The following CDK8 variants were observed in gnomAD, a reference collection of about 807,000 sequenced individuals.
CDK8 encodes cyclin dependent kinase 8.
A neutral mutation model predicts 71.5 loss-of-function variants in CDK8; 29 were observed. The observed-to-expected ratio is 0.41, with a 90% CI of 0.30 to 0.55. CDK8 has a LOEUF of 0.55. CDK8 is among the 20% of genes least tolerant of loss of function. CDK8 has a pLI of 0.37. For missense variants in CDK8, 288 were observed against 572.6 expected (o/e 0.50, Z 5.07); for synonymous variants, 161 against 192.1 (o/e 0.84, Z 1.34).
At chr13:26,350,478 T>TA (rs57372767) in intron 3 of CDK8, among the ~76,000 whole-genome samples, 4,742 of 151,922 alleles carry the variant, frequency 0.031, 237 homozygotes, top group African/African-American at 0.11. Flanking sequence ...CTGCAAAAAA[T>TA]AAAAAAAATT....
chr13:26,329,271 A>G (rs1875175488), intron 1 of CDK8, among the ~76,000 whole-genome samples: 1 of 151,896 alleles, frequency 6.6e-6, no homozygotes, highest in Non-Finnish European at 1.5e-5. Flanking sequence ...TTATATTTTC[A>G]TCTTACTCCT....
At chr13:26,264,070 T>C (rs987141992) in intron 1 of CDK8, among the ~76,000 whole-genome samples, 9 of 152,124 alleles carry the variant, frequency 5.9e-5, no homozygotes, top group Non-Finnish European at 1.2e-4. Context: ...AGTAAATGAG[T>C]CTCCTAATGT....
At chr13:26,367,637 G>C (rs771359046) in intron 4 of CDK8, among the ~76,000 whole-genome samples, 1 of 152,158 alleles carries the variant, frequency 6.6e-6, no homozygotes, top group Non-Finnish European at 1.5e-5. Flanking sequence ...GTTGCCCTGT[G>C]AATATTAAGT....
At chr13:26,294,132 C>CT (rs35555772) in intron 1 of CDK8, among the ~76,000 whole-genome samples, 14 of 147,132 alleles carry the variant, frequency 9.5e-5, no homozygotes, top group African/African-American at 3.0e-4. Flanking sequence ...TATTCTGCAC[C>CT]TTTTTTTTTT....
chr13:26,304,669 C>T (rs1345265626), intron 1 of CDK8, among the ~76,000 whole-genome samples: 1 of 151,890 alleles, frequency 6.6e-6, no homozygotes, highest in African/African-American at 2.4e-5. Flanking sequence ...CAGTGTTTCC[C>T]TCTTTTGCCC....
intron 1 of CDK8, among the ~76,000 whole-genome samples, chr13:26,274,253 G>C (rs1872468960): frequency 1.3e-5 from 2 of 151,992 alleles, no homozygotes; most frequent in South Asian, 4.1e-4. Context: ...CCTCCTCCTT[G>C]ATCAATAGTT....
At chr13:26,370,698 A>G (rs1348148888) in intron 4 of CDK8, among the ~76,000 whole-genome samples, 4 of 152,226 alleles carry the variant, frequency 2.6e-5, no homozygotes, top group African/African-American at 7.2e-5. Flanking sequence ...ACCAGTTTCT[A>G]TATGTATACA....
chr13:26,361,934 T>C (rs1463792563), intron 4 of CDK8, among the ~76,000 whole-genome samples: 1 of 151,918 alleles, frequency 6.6e-6, no homozygotes, highest in Non-Finnish European at 1.5e-5. Flanking sequence ...ACAGCCATTT[T>C]GTAAATTAAT....
In CDK8 at chr13:26,294,937, A is replaced by T. The variant is rs574842610; in HGVS notation, c.128+40168A>T. Among the ~76,000 whole-genome samples the T allele has an allele frequency of 2.0e-5, 3 of 152,074 alleles. No individual in the cohort carries two copies. In the East Asian group the frequency reaches 5.8e-4, roughly 29 times the overall value. ...GCTAATTTTTGTATTTTCAGTAGAG[A>T]TGGGGTTTCACCATGTTGGCCAGGA... On this transcript the variant is annotated intron_variant, in intron 1 of 12. Transcript: ENST00000381527.
intron 6 of CDK8, among the ~76,000 whole-genome samples, chr13:26,391,017 A>G (rs1303115623): frequency 1.3e-4 from 20 of 151,570 alleles, no homozygotes; most frequent in Non-Finnish European, 5.9e-5. Context: ...AAAAAAAAAA[A>G]CAAGGTAGGA....
intron 4 of CDK8, among the ~76,000 whole-genome samples, chr13:26,367,584 C>T (rs979229853): frequency 6.6e-6 from 1 of 152,174 alleles, no homozygotes; most frequent in Non-Finnish European, 1.5e-5. Flanking sequence ...GATGTGAAGA[C>T]TGGCACATAA....
intron 1 of CDK8, among the ~76,000 whole-genome samples, chr13:26,294,799 G>A (rs2137907206): frequency 6.6e-6 from 1 of 152,192 alleles, no homozygotes; most frequent in Non-Finnish European, 1.5e-5. Flanking sequence ...CGCCAGGCTG[G>A]AGTGCTGTGG....
chr13:26,345,071 A>G (rs1873406961), intron 2 of CDK8, among the ~76,000 whole-genome samples: 1 of 152,202 alleles, frequency 6.6e-6, no homozygotes, highest in Admixed American at 6.5e-5. Flanking sequence ...ACGTTGTGCT[A>G]CAATATTATG....
intron 1 of CDK8, among the ~76,000 whole-genome samples, chr13:26,293,432 A>G (rs933673982): frequency 1.3e-5 from 2 of 151,848 alleles, no homozygotes; most frequent in Admixed American, 6.6e-5. Context: ...GTGAAACCCC[A>G]TCTCTACTAA....
intron 4 of CDK8, among the ~76,000 whole-genome samples, chr13:26,368,361 C>G (rs933600555): frequency 1.3e-5 from 2 of 152,200 alleles, no homozygotes; most frequent in Non-Finnish European, 2.9e-5. Context: ...TGTCATTCCC[C>G]TATTTAAAAT....
At chr13:26,270,509 G>C (rs540630086) in intron 1 of CDK8, among the ~76,000 whole-genome samples, 6 of 151,956 alleles carry the variant, frequency 3.9e-5, no homozygotes, top group Non-Finnish European at 7.4e-5. Flanking sequence ...CCCTCTAAAA[G>C]AAACCCCGTA....
At chr13:26,329,696 G>T (rs909981221) in intron 1 of CDK8, among the ~76,000 whole-genome samples, 2 of 151,898 alleles carry the variant, frequency 1.3e-5, no homozygotes, top group African/African-American at 4.8e-5. Context: ...TACAGACGGG[G>T]TTTTGCCACG....
intron 1 of CDK8, among the ~76,000 whole-genome samples, chr13:26,264,760 A>T (rs554296176): frequency 1.3e-5 from 2 of 151,548 alleles, no homozygotes; most frequent in South Asian, 4.2e-4. Flanking sequence ...CCCTTTATCT[A>T]TTTTTCACTG....
At chr13:26,371,216 A>G (rs1450250470) in intron 4 of CDK8, among the ~76,000 whole-genome samples, 2 of 152,202 alleles carry the variant, frequency 1.3e-5, no homozygotes, top group Admixed American at 1.3e-4. Context: ...GGACTTTTAT[A>G]TATCAAGAAT....
Sources: gnomAD v4.1 joint callset for allele counts (sites outside exome capture counted in the v4.1 genomes callset) on GRCh38, gnomAD v4.1.1 for gene constraint, MANE v1.5 for transcripts, NCBI Gene and HGNC (gene_info 2026-07-23, HGNC 2026-07-21) for gene names.